KAZN: variants seen among roughly 807,000 people sequenced by gnomAD.
The protein encoded by KAZN is kazrin, periplakin interacting protein.
A neutral mutation model predicts 87.4 loss-of-function variants in KAZN; 40 were observed. The ratio of observed to expected loss-of-function variants is 0.46; its 90% confidence interval spans 0.36 to 0.60. The LOEUF (loss-of-function observed/expected upper bound fraction) is 0.60. Ranked by LOEUF, KAZN falls within the 20% of genes least tolerant of loss-of-function variation. The pLI is 0.00. For synonymous variants in KAZN, 466 were observed against 458.3 expected (o/e 1.02, Z -0.22); for missense variants, 898 against 1,073.9 (o/e 0.84, Z 2.29).
intron 1 of KAZN, among the ~76,000 whole-genome samples, chr1:14,666,606 G>A (rs1157573077): frequency 6.6e-6 from 1 of 152,188 alleles, no homozygotes; most frequent in African/African-American, 2.4e-5. Flanking sequence ...GCCCTCTGAA[G>A]CCTCTGGGGG....
At chr1:14,863,620 AAGAG>A (rs1262311367) in intron 1 of KAZN, among the ~76,000 whole-genome samples, 1 of 152,220 alleles carries the variant, frequency 6.6e-6, no homozygotes, top group African/African-American at 2.4e-5. Flanking sequence ...GTAGCAGTCA[AAGAG>A]AGAGAAAGAT....
chr1:14,903,787 T>G (rs1411851706), intron 1 of KAZN, among the ~76,000 whole-genome samples: 1 of 152,206 alleles, frequency 6.6e-6, no homozygotes, highest in Non-Finnish European at 1.5e-5. Flanking sequence ...TAATCTAACC[T>G]TAGTAGGTTA....
chr1:14,569,258 A>G (rs1366041772), intron 2 of KAZN, among the ~76,000 whole-genome samples: 1 of 149,870 alleles, frequency 6.7e-6, no homozygotes. Flanking sequence ...AAATGTCTTG[A>G]TGCAAGTTTC....
At chr1:14,805,351 G>A (rs1490851837) in intron 1 of KAZN, among the ~76,000 whole-genome samples, 1 of 152,184 alleles carries the variant, frequency 6.6e-6, no homozygotes, top group Admixed American at 6.5e-5. Flanking sequence ...AGGGGAGGTA[G>A]AGGCAGTTTC....
intron 1 of KAZN, among the ~76,000 whole-genome samples, chr1:14,932,252 C>T (rs1031607001): frequency 6.6e-6 from 1 of 152,194 alleles, no homozygotes; most frequent in South Asian, 2.1e-4. Flanking sequence ...CCACCCTCCC[C>T]GCCCCGTCCC....
chr1:14,556,836 A>G (rs1183528882), intron 2 of KAZN, among the ~76,000 whole-genome samples: 1 of 152,162 alleles, frequency 6.6e-6, no homozygotes, highest in African/African-American at 2.4e-5. Flanking sequence ...CGATTTTACT[A>G]ACAGACAGCT....
chr1:14,847,991 C>T (rs147601556), intron 1 of KAZN, among the ~76,000 whole-genome samples: 2 of 152,160 alleles, frequency 1.3e-5, no homozygotes, highest in African/African-American at 2.4e-5. Context: ...AAAACAAAAA[C>T]AAAAACAAAA....
intron 2 of KAZN, among the ~76,000 whole-genome samples, chr1:14,977,946 T>C (rs1438092759): frequency 1.5e-5 from 2 of 137,260 alleles, no homozygotes; most frequent in Non-Finnish European, 3.0e-5. Flanking sequence ...CAGGCTGGAG[T>C]GCAATGGCAC....
intron 5 of KAZN, among the ~76,000 whole-genome samples, chr1:15,059,457 C>T (rs1310309548): frequency 6.6e-6 from 1 of 152,186 alleles, no homozygotes; most frequent in African/African-American, 2.4e-5. Flanking sequence ...CGTGGCACAT[C>T]AGGCCACCTC....
chr1:14,520,846 A>C (rs546731700), intron 2 of KAZN, among the ~76,000 whole-genome samples: 1 of 152,316 alleles, frequency 6.6e-6, no homozygotes, highest in African/African-American at 2.4e-5. Flanking sequence ...AAAATGAAAG[A>C]GCTGAACCAA....
chr1:14,031,251 A>T (rs935086039), intron 1 of KAZN, among the ~76,000 whole-genome samples: 3 of 152,234 alleles, frequency 2.0e-5, no homozygotes, highest in Non-Finnish European at 4.4e-5. Context: ...TCAGACTTCA[A>T]TAGGGACCCA....
At chr1:14,797,343 G>A (rs1572505967) in intron 1 of KAZN, among the ~76,000 whole-genome samples, 1 of 152,182 alleles carries the variant, frequency 6.6e-6, no homozygotes, top group Admixed American at 6.5e-5. Flanking sequence ...TTACAGGCAT[G>A]AGCCACCATC....
chr1:14,098,764 G>A (rs1488408276), intron 1 of KAZN, among the ~76,000 whole-genome samples: 1 of 152,182 alleles, frequency 6.6e-6, no homozygotes, highest in African/African-American at 2.4e-5. Flanking sequence ...CCAACCCTGT[G>A]TGGCTGCCCT....
chr1:14,772,611 A>C (rs1645050909), intron 1 of KAZN, among the ~76,000 whole-genome samples: 1 of 152,104 alleles, frequency 6.6e-6, no homozygotes, highest in Non-Finnish European at 1.5e-5. Flanking sequence ...ATGACAGAGG[A>C]TCACAGCACC....
At chr1:14,877,858 A>G (rs1389473140) in intron 1 of KAZN, among the ~76,000 whole-genome samples, 1 of 152,156 alleles carries the variant, frequency 6.6e-6, no homozygotes, top group East Asian at 1.9e-4. Flanking sequence ...TCTTACAAAT[A>G]CTTTCATTAA....
intron 2 of KAZN, among the ~76,000 whole-genome samples, chr1:14,503,813 G>C (rs964957427): frequency 1.3e-5 from 2 of 152,060 alleles, no homozygotes; most frequent in Non-Finnish European, 2.9e-5. Flanking sequence ...CCTCCTCTTA[G>C]GGCCAGGGGC....
intron 13 of KAZN, among the ~76,000 whole-genome samples, chr1:15,106,385 C>T (rs1041549511): frequency 9.9e-5 from 15 of 152,204 alleles, no homozygotes; most frequent in Admixed American, 8.5e-4. Context: ...CCTGACTTCC[C>T]TTCTGGAGCC....
chr1:13,922,749 G>A (rs531395654), intron 1 of KAZN, among the ~76,000 whole-genome samples: 6 of 152,208 alleles, frequency 3.9e-5, no homozygotes, highest in Non-Finnish European at 7.3e-5. Flanking sequence ...TGAGGACAAC[G>A]TGTCCAGCTT....
intron 2 of KAZN, among the ~76,000 whole-genome samples, chr1:14,317,479 TA>T (rs890384519): frequency 6.6e-6 from 1 of 152,020 alleles, no homozygotes; most frequent in African/African-American, 2.4e-5. Context: ...AAAATTAGCT[TA>T]ACAGTCTCTG....
Sources: gnomAD v4.1 joint callset for allele counts (sites outside exome capture counted in the v4.1 genomes callset) on GRCh38, gnomAD v4.1.1 for gene constraint, MANE v1.5 for transcripts, NCBI Gene and HGNC (gene_info 2026-07-23, HGNC 2026-07-21) for gene names.